Variants in DCLK1 observed in about 807,000 individuals in gnomAD.
DCLK1 encodes doublecortin like kinase 1, also known as serine/threonine-protein kinase DCLK1.
In DCLK1, 16 loss-of-function variants were observed where a neutral mutation model predicts 86.2. The ratio of observed to expected loss-of-function variants is 0.19; its 90% CI spans 0.13 to 0.28. The LOEUF is 0.28. Ranked by LOEUF, DCLK1 falls within the 10% of genes least tolerant of loss-of-function variation. DCLK1 has a pLI of 1.00. For missense variants in DCLK1, 590 were observed against 940.2 expected (o/e 0.63, Z 4.87); for synonymous variants, 369 against 370.5 (o/e 1.00, Z 0.05).
At chr13:35,938,385 T>G (rs2153131022) in intron 4 of DCLK1, among the ~76,000 whole-genome samples, 1 of 152,224 alleles carries the variant, frequency 6.6e-6, no homozygotes, top group African/African-American at 2.4e-5. Flanking sequence ...ATCCCAGCAC[T>G]TTGGGAGGCC....
intron 4 of DCLK1, among the ~76,000 whole-genome samples, chr13:35,889,474 T>C (rs1163950006): frequency 6.6e-6 from 1 of 152,140 alleles, no homozygotes; most frequent in African/African-American, 2.4e-5. Flanking sequence ...AACCACTTTT[T>C]AAAGTGTAGG....
chr13:35,954,878 G>A (rs969475244), intron 3 of DCLK1, among the ~76,000 whole-genome samples: 1 of 151,888 alleles, frequency 6.6e-6, no homozygotes, highest in African/African-American at 2.4e-5. Flanking sequence ...TTCAGAATAG[G>A]CTAGGAGATA....
At chr13:36,020,222 C>T (rs1475154414) in intron 3 of DCLK1, among the ~76,000 whole-genome samples, 1 of 152,126 alleles carries the variant, frequency 6.6e-6, no homozygotes. Flanking sequence ...ATAAGTTACC[C>T]ACCCTCAAGT....
chr13:36,123,838 A>C (rs1886072790), intron 2 of DCLK1, among the ~76,000 whole-genome samples: 1 of 152,234 alleles, frequency 6.6e-6, no homozygotes, highest in Non-Finnish European at 1.5e-5. Context: ...AGAAAGCATT[A>C]TTTTGCAGTA....
chr13:35,840,670 C>A (rs918079874), intron 6 of DCLK1, among the ~76,000 whole-genome samples: 1 of 152,116 alleles, frequency 6.6e-6, no homozygotes, highest in East Asian at 1.9e-4. Context: ...CTTTTGTAAC[C>A]AGCAGCACAC....
intron 3 of DCLK1, among the ~76,000 whole-genome samples, chr13:36,092,083 C>T (rs1884845667): frequency 6.6e-6 from 1 of 152,186 alleles, no homozygotes; most frequent in Non-Finnish European, 1.5e-5. Flanking sequence ...ATACTGTTGT[C>T]AGACAGTCCT....
intron 4 of DCLK1, among the ~76,000 whole-genome samples, chr13:35,883,096 A>T (rs1264038235): frequency 6.6e-6 from 1 of 152,192 alleles, no homozygotes; most frequent in Non-Finnish European, 1.5e-5. Flanking sequence ...GCACCAGATT[A>T]AGTCAAGATT....
chr13:35,816,540 C>A (rs1410228351), intron 11 of DCLK1, among the ~76,000 whole-genome samples: 1 of 152,150 alleles, frequency 6.6e-6, no homozygotes, highest in Admixed American at 6.5e-5. Flanking sequence ...ACTTCATGTG[C>A]ATTTTGGCCC....
At chr13:36,056,906 AATATAT>A (rs1555359542) in intron 3 of DCLK1, among the ~76,000 whole-genome samples, 5 of 130,172 alleles carry the variant, frequency 3.8e-5, no homozygotes, top group East Asian at 2.2e-4. Context: ...AAAAAAAAAA[AATATAT>A]ATATATATAT....
chr13:35,831,671 G>C (rs1478349294), intron 8 of DCLK1, among the ~76,000 whole-genome samples: 1 of 151,888 alleles, frequency 6.6e-6, no homozygotes, highest in African/African-American at 2.4e-5. Context: ...CCGTTTGCTT[G>C]CTTGTTTTTG....
At chr13:36,035,286 T>C (rs944526655) in intron 3 of DCLK1, among the ~76,000 whole-genome samples, 3 of 152,208 alleles carry the variant, frequency 2.0e-5, no homozygotes, top group Admixed American at 1.3e-4. Flanking sequence ...TTTGCAGTGA[T>C]ATTTGGAATA....
intron 3 of DCLK1, among the ~76,000 whole-genome samples, chr13:35,990,059 T>C (rs377085679): frequency 2.6e-5 from 4 of 152,190 alleles, no homozygotes; most frequent in African/African-American, 7.2e-5. Flanking sequence ...AAATTATATC[T>C]GAAGGTGGCA....
At chr13:36,045,521 C>T (rs146799839) in intron 3 of DCLK1, among the ~76,000 whole-genome samples, 324 of 151,764 alleles carry the variant, frequency 2.1e-3, no homozygotes, top group Non-Finnish European at 4.0e-3. Context: ...ATAGTCTTCT[C>T]AGTCAAAATT....
In DCLK1 at chr13:36,034,609, A is replaced by T. The variant is rs9593703; in HGVS notation, c.723+77260T>A. Among the ~76,000 whole-genome samples, 402 of 152,320 alleles carry T rather than the reference A, an allele frequency of 2.6e-3. 1 individual carries two copies. The highest frequency in any genetic ancestry group is 9.1e-3 in the African/African-American group (377 of 41,578). ...TTAAGTCATGATATCAATCACAAAT[A>T]TGAATAAGTAGGAAAACCATATGAA... On this transcript the variant is annotated intron_variant, in intron 3 of 16. Coordinates refer to ENST00000360631, the MANE Select transcript of DCLK1 (RefSeq NM_001330071.2).
intron 6 of DCLK1, chr13:35,847,010 T>C (rs1371839008): frequency 1.0e-6 from 1 of 985,266 alleles, no homozygotes; most frequent in Non-Finnish European, 1.2e-6. Flanking sequence ...CTTGACAATC[T>C]GCAACTGTAT....
In DCLK1 at chr13:35,836,160, CT is replaced by C; in HGVS notation, c.1121-20del. On this transcript the variant is annotated intron_variant, in intron 7 of 16. Coordinates refer to ENST00000360631, the MANE Select transcript of DCLK1 (RefSeq NM_001330071.2). ...GACACTTCTGAAAGAATCATTAATA[CT>C]TTTTTATTGGTTGAAAAGGGAACAC... 1 of 1,586,740 alleles carries C rather than the reference CT, an allele frequency of 6.3e-7. No individual in the cohort carries two copies. Among genetic ancestry groups the C allele is most frequent in the Non-Finnish European group, 8.6e-7 (1 of 1,161,998 alleles).
At chr13:35,805,360 G>T in intron 15 of DCLK1, 1 of 237,868 alleles carries the variant, frequency 4.2e-6, no homozygotes, top group Non-Finnish European at 8.1e-6. Context: ...GCAGTGGCAC[G>T]ATCTTGGCTT....
intron 4 of DCLK1, among the ~76,000 whole-genome samples, chr13:35,917,745 A>AT (rs1875511355): frequency 6.7e-6 from 1 of 150,048 alleles, no homozygotes; most frequent in East Asian, 2.0e-4. Context: ...GTAACGTGGC[A>AT]TTTTCAAAAT....
chr13:35,814,554 CT>C (rs34413481), intron 11 of DCLK1, among the ~76,000 whole-genome samples: 1 of 152,172 alleles, frequency 6.6e-6, no homozygotes, highest in African/African-American at 2.4e-5. Flanking sequence ...GGTGTAAGAA[CT>C]TTTTGCCATA....
Sources: allele counts gnomAD v4.1 joint callset (sites outside exome capture counted in the v4.1 genomes callset), GRCh38; gene constraint gnomAD v4.1.1; transcripts MANE v1.5; gene names NCBI Gene and HGNC (gene_info 2026-07-23, HGNC 2026-07-21).